ABCC9: variants seen among roughly 807,000 people sequenced by gnomAD.
ABCC9 encodes the protein ATP binding cassette subfamily C member 9.
Under a neutral mutation model 188.3 loss-of-function variants are expected in ABCC9, and 95 were observed. The observed-to-expected ratio is 0.50, with a 90% CI of 0.43 to 0.60. ABCC9 has a LOEUF of 0.60. Ranked by LOEUF, ABCC9 falls within the 20% of genes least tolerant of loss-of-function variation. The pLI is 0.00. For missense variants in ABCC9, 1,102 were observed against 1,876.3 expected (o/e 0.59, Z 7.62); for synonymous variants, 659 against 652.7 (o/e 1.01, Z -0.15).
rs1486515134 is a variant in ABCC9 at position 21,799,865 on chromosome 12, T to A, written c.*1179A>T. 6.6e-6 allele frequency: 1 copy of A among 152,224 alleles called. No homozygotes were observed. The highest frequency in any genetic ancestry group is 1.5e-5 in the Non-Finnish European group (1 of 68,040). 9.4% of individuals were successfully genotyped at this position (152,224 alleles called of 1,614,324 possible). ...TGACTTTTAGTATTTTTGAATTTAT[T>A]AATTTTCATTTAAGCAAAACCTAAC... On this transcript the variant is annotated 3_prime_UTR_variant, in exon 40 of 40. Transcript: ENST00000261200.
intron 4 of ABCC9, among the ~76,000 whole-genome samples, chr12:21,930,689 C>T (rs1191482616): frequency 6.6e-6 from 1 of 151,908 alleles, no homozygotes; most frequent in Non-Finnish European, 1.5e-5. Flanking sequence ...TTGATAATGG[C>T]CAAAACTTAG....
intron 31 of ABCC9, among the ~76,000 whole-genome samples, chr12:21,825,806 TAAAC>T (rs1943346837): frequency 3.3e-5 from 5 of 151,992 alleles, no homozygotes; most frequent in Admixed American, 2.0e-4. Flanking sequence ...AAAAAAAAGA[TAAAC>T]AAAAATTGGA....
At chr12:21,922,354 T>C (rs548904309) in intron 5 of ABCC9, among the ~76,000 whole-genome samples, 1 of 152,104 alleles carries the variant, frequency 6.6e-6, no homozygotes, top group East Asian at 1.9e-4. Context: ...TTGCAAATGT[T>C]GAACCATGCT....
intron 18 of ABCC9, among the ~76,000 whole-genome samples, chr12:21,870,204 A>T (rs1237282335): frequency 6.6e-6 from 1 of 152,058 alleles, no homozygotes; most frequent in African/African-American, 2.4e-5. Flanking sequence ...AGACATTAAG[A>T]ATTAACCTTT....
In ABCC9 at chr12:21,858,541, T is replaced by C. The variant is rs369697567; in HGVS notation, c.2505+1045A>G. 1.5e-4 allele frequency among the ~76,000 whole-genome samples: 22 copies of C among 151,496 alleles called. 1 individual carries two copies. The highest frequency in any genetic ancestry group is 5.3e-4 in the African/African-American group (22 of 41,280). On this transcript the variant is annotated intron_variant, in intron 22 of 39. Coordinates refer to ENST00000261200, the MANE Select transcript of ABCC9 (RefSeq NM_020297.4). ...TTGCAGTGAGCTGAGATGGTGCCAT[T>C]GCAGTCCAGTCTGGGCAACAGAGCA... is the stretch of plus-strand genomic sequence containing the variant.
chr12:21,809,701 A>G, intron 37 of ABCC9, 151 bp downstream of exon 37: 2 of 623,958 alleles, frequency 3.2e-6, no homozygotes, highest in Admixed American at 2.9e-5. Flanking sequence ...AAAACATTAG[A>G]TTTTGAAATA....
chr12:21,863,170 T>C, intron 19 of ABCC9, 116 bp from the exon 20 acceptor site: 1 of 731,582 alleles, frequency 1.4e-6, no homozygotes. Context: ...GATACAGAAA[T>C]GGAAAACTTC....
At chr12:21,930,581 G>T (rs1016084950) in intron 4 of ABCC9, among the ~76,000 whole-genome samples, 1 of 152,152 alleles carries the variant, frequency 6.6e-6, no homozygotes, top group Non-Finnish European at 1.5e-5. Flanking sequence ...GGCCAGTGGA[G>T]CAGAAAGGTG....
At chr12:21,889,825 C>CA (rs774636781) in intron 14 of ABCC9, among the ~76,000 whole-genome samples, 10 of 152,104 alleles carry the variant, frequency 6.6e-5, no homozygotes, top group Non-Finnish European at 1.3e-4. Context: ...TTTGAAACAT[C>CA]AATGACAAGG....
chr12:21,886,922 A>T (rs1208966404), intron 15 of ABCC9, among the ~76,000 whole-genome samples: 3 of 152,110 alleles, frequency 2.0e-5, no homozygotes, highest in Admixed American at 1.3e-4. Flanking sequence ...GGCTCTCCAG[A>T]AGGGCCTTCT....
intron 5 of ABCC9, 53 bp downstream of exon 5, chr12:21,925,889 G>T: frequency 6.4e-7 from 1 of 1,569,202 alleles, no homozygotes; most frequent in Non-Finnish European, 8.8e-7. Context: ...AACCCTTTGG[G>T]GGGAAAAACA....
At chr12:21,910,120 C>T in intron 10 of ABCC9, 37 bp downstream of exon 10, 1 of 1,578,218 alleles carries the variant, frequency 6.3e-7, no homozygotes, top group Non-Finnish European at 8.7e-7. Context: ...TTTATTTCCT[C>T]TGCAGACAAA....
chr12:21,892,345 A>C (rs1023521213), intron 14 of ABCC9, among the ~76,000 whole-genome samples: 21 of 152,186 alleles, frequency 1.4e-4, no homozygotes, highest in African/African-American at 5.1e-4. Context: ...GCAAGTTATC[A>C]ACTGCTTTTC....
chr12:21,880,013 T>C (rs139408486), intron 16 of ABCC9, among the ~76,000 whole-genome samples: 5 of 151,540 alleles, frequency 3.3e-5, no homozygotes, highest in African/African-American at 1.2e-4. Flanking sequence ...GATGTGTAAC[T>C]GATATCACAC....
At chr12:21,888,471 A>G (rs1299996632) in intron 14 of ABCC9, among the ~76,000 whole-genome samples, 1 of 152,122 alleles carries the variant, frequency 6.6e-6, no homozygotes, top group Non-Finnish European at 1.5e-5. Context: ...GAACCTGGCA[A>G]GGAGAGGGGA....
rs971261913 is a variant in ABCC9, at chr12:21,917,221, A to G, written c.407-118T>C. The G allele has an allele frequency of 6.6e-6, 7 of 1,061,938 alleles. No individual in the cohort carries two copies. In the Admixed American group the frequency reaches 7.7e-5, roughly 12 times the overall value. 65.8% of individuals were successfully genotyped at this position (1,061,938 alleles called of 1,614,324 possible). ...GCAATTTTATGTACTATATTTCCAC[A>G]TGGTTTTACTTGGTAAGAAAACAAC... On this transcript the variant is annotated intron_variant, in intron 5 of 39. Coordinates refer to ENST00000261200, the MANE Select transcript of ABCC9 (RefSeq NM_020297.4).
chr12:21,866,925 TG>T (rs1399587479), intron 18 of ABCC9, among the ~76,000 whole-genome samples: 1 of 151,982 alleles, frequency 6.6e-6, no homozygotes, highest in Non-Finnish European at 1.5e-5. Context: ...AAAAAATGGG[TG>T]GGGAATAATG....
chr12:21,869,199 A>G (rs1945938064), intron 18 of ABCC9, among the ~76,000 whole-genome samples: 1 of 152,186 alleles, frequency 6.6e-6, no homozygotes. Flanking sequence ...ATAAAAAGAT[A>G]ATTTTTAGGT....
intron 35 of ABCC9, among the ~76,000 whole-genome samples, chr12:21,812,769 A>G (rs1440827339): frequency 6.6e-6 from 1 of 152,138 alleles, no homozygotes; most frequent in East Asian, 1.9e-4. Context: ...TGATGGGTGC[A>G]GCAAACCACC....
Sources: allele counts gnomAD v4.1 joint callset (sites outside exome capture counted in the v4.1 genomes callset), GRCh38; gene constraint gnomAD v4.1.1; transcripts MANE v1.5; gene names NCBI Gene and HGNC (gene_info 2026-07-23, HGNC 2026-07-21).